MAN2B2: variants seen among roughly 807,000 people sequenced by gnomAD.
The protein encoded by MAN2B2 is epididymis-specific alpha-mannosidase.
In MAN2B2, 106 loss-of-function variants were observed where a neutral mutation model predicts 117.1. The ratio of observed to expected loss-of-function variants is 0.90; its 90% CI spans 0.77 to 1.06. The LOEUF (loss-of-function observed/expected upper bound fraction) is 1.06, where lower values mean the gene tolerates loss of function less well. Ranked by LOEUF, MAN2B2 falls within the 50% of genes least tolerant of loss-of-function variation. The pLI, the probability that MAN2B2 is intolerant of heterozygous loss-of-function variation, is 0.00. For missense variants in MAN2B2, 1,326 were observed against 1,381.4 expected (o/e 0.96, Z 0.64); for synonymous variants, 544 against 595.1 (o/e 0.91, Z 1.25).
chr4:6,617,409 C>T lies in MAN2B2; in HGVS notation c.2731C>T (p.Arg911Cys), dbSNP rs200356754. Reference protein sequence around the residue: ...GHRGEAQADLRRVLLRLYHLY... With the variant: ...GHRGEAQADLCRVLLRLYHLY... ...TCGAGGGGAAGCCCAGGCTGACCTC[C>T]GCCGTGTCCTGCTGCGGCTCTACCA... The change falls in exon 17 of 19, where the codon CGC (arginine) becomes TGC (cysteine). Residue 911 changes from arginine (R) to cysteine (C), a missense_variant. By Grantham distance (180) the Arg-to-Cys change is radical. Transcript: ENST00000285599. The T allele has an allele frequency of 9.4e-5, 152 of 1,614,132 alleles. 1 individual carries two copies. The highest frequency in any genetic ancestry group is 6.3e-4 in the South Asian group (57 of 91,084).
chr4:6,578,799 T>C (rs1726168108), intron 3 of MAN2B2, among the ~76,000 whole-genome samples: 1 of 152,058 alleles, frequency 6.6e-6, no homozygotes, highest in Admixed American at 6.5e-5. Flanking sequence ...TAAAATGAGT[T>C]TGATGGTAAT....
chr4:6,604,440 T>G (rs560277117), intron 10 of MAN2B2, among the ~76,000 whole-genome samples: 4 of 8,458 alleles, frequency 4.7e-4, no homozygotes, highest in Admixed American at 1.6e-3. Flanking sequence ...GCCTTGGTGG[T>G]GGGTGGGAGT....
rs1560634436 is a variant in MAN2B2, at chr4:6,579,111, TCACCATCACCACTACCAC to T, written c.391+619_391+636del. Among the ~76,000 whole-genome samples the T allele has an allele frequency of 7.1e-4, 18 of 25,210 alleles. 1 individual carries two copies. The highest frequency in any genetic ancestry group is 9.8e-4 in the Non-Finnish European group (12 of 12,266). The allele number at this position is 25,210 out of a possible 152,430, so 16.5% of individuals were successfully genotyped here. ...ATCACCATCACCAGCACCACCACCA[TCACCATCACCACTACCAC>T]CACCACCACCATCACCACCACCATC... On this transcript the variant is annotated intron_variant, in intron 3 of 18. Coordinates refer to ENST00000285599, the MANE Select transcript of MAN2B2 (RefSeq NM_015274.3).
chr4:6,590,922 G>T (rs1271791835), intron 5 of MAN2B2, among the ~76,000 whole-genome samples: 1 of 152,222 alleles, frequency 6.6e-6, no homozygotes, highest in Non-Finnish European at 1.5e-5. Context: ...GCCGAGGCAG[G>T]TGGGTCACTT....
chr4:6,597,507 G>A (rs150722718), intron 8 of MAN2B2, among the ~76,000 whole-genome samples: 1 of 152,244 alleles, frequency 6.6e-6, no homozygotes, highest in African/African-American at 2.4e-5. Flanking sequence ...CATCCAGCTG[G>A]TGGCCTCATT....
chr4:6,594,632 G>A lies in MAN2B2; in HGVS notation c.957G>A (p.Ser319=), dbSNP rs1387882908. The change falls in exon 7 of 19, where the codon TCG becomes TCA. Residue 319 remains serine (S), a synonymous_variant. Transcript: ENST00000285599. Reference sequence around the variant, plus strand: ...GCCATGCTGCCGAGCTCGGTGTCTCGGTGCAGTATGCCACGCTGGGCGACT... The same window carrying A: ...GCCATGCTGCCGAGCTCGGTGTCTCAGTGCAGTATGCCACGCTGGGCGACT... The part of the protein sequence containing the change: ...INSHAAELGV[S]VQYATLGDYF... The A allele has an allele frequency of 1.7e-5, 28 of 1,613,544 alleles. No homozygotes were observed. Among genetic ancestry groups the A allele is most frequent in the Non-Finnish European group, 2.2e-5 (26 of 1,180,022 alleles).
intron 11 of MAN2B2, among the ~76,000 whole-genome samples, chr4:6,607,658 G>A (rs76901716): frequency 0.039 from 5,996 of 152,220 alleles, 226 homozygotes; most frequent in African/African-American, 0.1. Flanking sequence ...TTGTTTCCAC[G>A]TTTTAGCCAC....
rs115207036 is a variant in MAN2B2, at chr4:6,604,542, G to A, written c.1540-513G>A. 3.1e-3 allele frequency among the ~76,000 whole-genome samples: 473 copies of A among 152,022 alleles called. 4 individuals carry two copies. The highest frequency in any genetic ancestry group is 0.011 in the African/African-American group (439 of 41,432). On this transcript the variant is annotated intron_variant, in intron 10 of 18. Transcript: ENST00000285599. ...CTAGGGGGTAGGGGTGGAGAAAGCC[G>A]GACAGCGGGGAGCAGAAGGTGCAGG...
chr4:6,609,088 C>G lies in MAN2B2; in HGVS notation c.1815-19C>G, dbSNP rs774754263. 3.7e-6 allele frequency: 6 copies of G among 1,604,990 alleles called. No homozygotes were observed. The highest frequency in any genetic ancestry group is 5.1e-6 in the Non-Finnish European group (6 of 1,174,566). ...TTGTGCAGGATGAGAATGACATCTT[C>G]TCTCTCCTGCCTCTGCAGACAGAGT... On this transcript the variant is annotated intron_variant, in intron 11 of 18. Transcript: ENST00000285599.
intron 3 of MAN2B2, among the ~76,000 whole-genome samples, chr4:6,582,277 T>C (rs879922720): frequency 5.9e-5 from 9 of 152,180 alleles, no homozygotes; most frequent in Admixed American, 1.3e-4. Flanking sequence ...CAGACTCTCT[T>C]CCACCTTCTC....
rs764706381 is a variant in MAN2B2 at position 6,598,238 on chromosome 4, A to C, written c.1289A>C (p.Lys430Thr). ...GCCATCACTGGGACTGAGTCCCCCAAGGTGAGAGACATGTACGCAACGCAC... is the reference window on the plus strand; with the variant it reads ...GCCATCACTGGGACTGAGTCCCCCACGGTGAGAGACATGTACGCAACGCAC... ...HDAITGTESP[K>T]VRDMYATHLA... Residue 430 changes from lysine (K) to threonine (T), a missense_variant, in exon 9 of 19, where the codon AAG (lysine) becomes ACG (threonine). By Grantham distance (78) the Lys-to-Thr change is moderately conservative. Coordinates refer to ENST00000285599, the MANE Select transcript of MAN2B2 (RefSeq NM_015274.3). The C allele has an allele frequency of 1.2e-6, 2 of 1,613,790 alleles. No homozygotes were observed. The highest frequency in any genetic ancestry group is 2.2e-5 in the South Asian group (2 of 91,080).
At position 6,594,634 on chromosome 4, in the gene MAN2B2, T is replaced by C. The variant is rs1726997755; in HGVS notation, c.959T>C (p.Val320Ala). The C allele has an allele frequency of 1.2e-6, 2 of 1,613,670 alleles. No individual in the cohort carries two copies. Among genetic ancestry groups the C allele is most frequent in the African/African-American group, 1.3e-5 (1 of 75,068 alleles). The change falls in exon 7 of 19, where the codon GTG (valine) becomes GCG (alanine). Residue 320 changes from valine (V) to alanine (A), a missense_variant. By Grantham distance (64) the Val-to-Ala change is moderately conservative. Coordinates refer to ENST00000285599, the MANE Select transcript of MAN2B2 (RefSeq NM_015274.3). ...CATGCTGCCGAGCTCGGTGTCTCGG[T>C]GCAGTATGCCACGCTGGGCGACTAC... The part of the protein sequence containing the change: ...NSHAAELGVS[V>A]QYATLGDYFR...
chr4:6,611,998 G>A (rs1047875806), intron 15 of MAN2B2, among the ~76,000 whole-genome samples: 7 of 152,128 alleles, frequency 4.6e-5, no homozygotes, highest in African/African-American at 1.7e-4. Context: ...ATTTAAAGAT[G>A]GTCTTTTGGA....
intron 11 of MAN2B2, among the ~76,000 whole-genome samples, chr4:6,607,095 G>T (rs976741566): frequency 6.6e-6 from 1 of 152,116 alleles, no homozygotes; most frequent in Non-Finnish European, 1.5e-5. Context: ...ACTCCCCCAC[G>T]GGCCCTGGCA....
rs1224620587 is a variant in MAN2B2, at chr4:6,605,249, G to C, written c.1734G>C (p.Arg578Ser). 4 of 1,614,108 alleles carry C rather than the reference G, an allele frequency of 2.5e-6. No homozygotes were observed. The highest frequency in any genetic ancestry group is 1.3e-5 in the African/African-American group (1 of 74,938). ...GGAGACGCACCAGCCATGCGGGCAG[G>C]TACTTGGTGCCTGTGGCAAACGACT... ...RLRRRTSHAG[R>S]YLVPVANDCY... The change falls in exon 11 of 19, where the codon AGG becomes AGC. Residue 578 changes from arginine to serine, a missense_variant. By Grantham distance (110) the Arg-to-Ser change is moderately radical. Transcript: ENST00000285599.
In MAN2B2 at chr4:6,578,396, C is replaced by A; in HGVS notation, c.289C>A (p.Arg97Ser). The A allele has an allele frequency of 1.9e-6, 3 of 1,612,630 alleles. No homozygotes were observed. Among genetic ancestry groups the A allele is most frequent in the Non-Finnish European group, 1.7e-6 (2 of 1,179,314 alleles). Reference protein sequence around the residue: ...VASDQQKYQVRQLLEEGRLEF... With the variant: ...VASDQQKYQVSQLLEEGRLEF... Reference sequence around the variant, plus strand: ...CTCTCTGCCTGCCCATGTCAAGGTCCGCCAGCTCCTGGAGGAAGGACGCCT... The same window carrying A: ...CTCTCTGCCTGCCCATGTCAAGGTCAGCCAGCTCCTGGAGGAAGGACGCCT... The change falls in exon 3 of 19, where the codon CGC becomes AGC. Residue 97 changes from arginine to serine, a missense_variant. Coordinates refer to ENST00000285599, the MANE Select transcript of MAN2B2 (RefSeq NM_015274.3).
At chr4:6,616,219 T>G (rs76554888) in intron 16 of MAN2B2, among the ~76,000 whole-genome samples, 1 of 152,176 alleles carries the variant, frequency 6.6e-6, no homozygotes, top group South Asian at 2.1e-4. Flanking sequence ...AGGAAGCACC[T>G]GTGTTAACCA....
intron 16 of MAN2B2, among the ~76,000 whole-genome samples, chr4:6,617,133 C>T (rs1711917878): frequency 6.6e-6 from 1 of 152,160 alleles, no homozygotes; most frequent in Non-Finnish European, 1.5e-5. Flanking sequence ...TATTCACTAT[C>T]ACAAGAACAG....
chr4:6,596,382 T>C lies in MAN2B2; in HGVS notation c.1058-731T>C, dbSNP rs1356528339. ...ATGTGACCACCCCTCCCAGTCTGGT[T>C]CAGGACCAGTGGGGGAAGAACAGGG... On this transcript the variant is annotated intron_variant, in intron 7 of 18. Coordinates refer to ENST00000285599, the MANE Select transcript of MAN2B2 (RefSeq NM_015274.3). 2.0e-5 allele frequency among the ~76,000 whole-genome samples: 3 copies of C among 152,226 alleles called. No homozygotes were observed. The East Asian group carries it at 5.8e-4, about 29-fold the overall frequency.
Sources: gnomAD v4.1 joint callset for allele counts (sites outside exome capture counted in the v4.1 genomes callset) on GRCh38, gnomAD v4.1.1 for gene constraint, MANE v1.5 for transcripts, NCBI Gene and HGNC (gene_info 2026-07-23, HGNC 2026-07-21) for gene names.